GAK: variants seen among roughly 807,000 people sequenced by gnomAD.
GAK encodes cyclin G associated kinase.
In GAK, 79 loss-of-function variants were observed where a neutral mutation model predicts 143.9. That is an observed-to-expected ratio of 0.55 (90% confidence interval 0.46 to 0.66). The LOEUF is 0.66. Ranked by LOEUF, GAK falls within the 30% of genes least tolerant of loss-of-function variation. The pLI, the probability that GAK is intolerant of heterozygous loss-of-function variation, is 0.00. For missense variants in GAK, 1,693 were observed against 1,779.7 expected, an observed-to-expected ratio of 0.95 and a Z score of 0.88; for synonymous variants, 881 against 765.5, an observed-to-expected ratio of 1.15 and a Z score of -2.49.
At chr4:864,258 G>A (rs1364485671) in intron 23 of GAK, among the ~76,000 whole-genome samples, 1 of 152,190 alleles carries the variant, frequency 6.6e-6, no homozygotes, top group Non-Finnish European at 1.5e-5. Context: ...TTACTCAGGA[G>A]GCTGGGGTGG....
intron 1 of GAK, among the ~76,000 whole-genome samples, chr4:925,371 G>A (rs753797835): frequency 5.3e-5 from 8 of 152,164 alleles, no homozygotes; most frequent in East Asian, 1.9e-4. Flanking sequence ...ACCAGGATGC[G>A]TGTAGGATGC....
chr4:885,993 A>C (rs1184724767), intron 11 of GAK: 2 of 152,142 alleles, frequency 1.3e-5, no homozygotes, highest in African/African-American at 2.4e-5. Context: ...GGCTCGTCTC[A>C]ATCTTCAAGT....
intron 11 of GAK, among the ~76,000 whole-genome samples, chr4:884,890 G>T (rs1405183291): frequency 6.6e-6 from 1 of 152,216 alleles, no homozygotes; most frequent in African/African-American, 2.4e-5. Flanking sequence ...GGAAAGCCTG[G>T]ATAAAGGTCC....
chr4:883,188 G>T, intron 13 of GAK, 127 bp downstream of exon 13: 1 of 1,102,038 alleles, frequency 9.1e-7, no homozygotes. Flanking sequence ...ACGCTCTGCA[G>T]CCCCTCAGGA....
At chr4:861,407 C>T (rs556391627) in intron 23 of GAK, among the ~76,000 whole-genome samples, 12 of 152,110 alleles carry the variant, frequency 7.9e-5, no homozygotes, top group East Asian at 1.9e-4. Flanking sequence ...CTGGACAACA[C>T]GGACCCCATC....
rs114745462 is a variant in GAK at position 885,097 on chromosome 4, T to C, written c.1206-1011A>G. Among the ~76,000 whole-genome samples, 1,464 of 147,344 alleles carry C rather than the reference T, an allele frequency of 9.9e-3. 26 individuals are homozygous for C. The highest frequency in any genetic ancestry group is 0.034 in the African/African-American group (1,333 of 39,594). On this transcript the variant is annotated intron_variant, in intron 11 of 27. Transcript: ENST00000314167. ...ACTCAGGATGCGGGTCTTCCGTGCG[T>C]TCAAACGTTTTAAAAGGCGTCTAAA...
intron 23 of GAK, among the ~76,000 whole-genome samples, chr4:864,502 G>A (rs1318580684): frequency 2.6e-5 from 4 of 152,206 alleles, no homozygotes. Context: ...CGCTGAGGCC[G>A]GCCCAAGACG....
At chr4:919,232 A>G (rs1723539798) in intron 1 of GAK, among the ~76,000 whole-genome samples, 1 of 150,402 alleles carries the variant, frequency 6.6e-6, no homozygotes, top group Non-Finnish European at 1.5e-5. Context: ...CAAAGGCCTC[A>G]GCGCCCCATG....
At chr4:863,868 C>A (rs564651819) in intron 23 of GAK, among the ~76,000 whole-genome samples, 1 of 151,790 alleles carries the variant, frequency 6.6e-6, no homozygotes, top group Non-Finnish European at 1.5e-5. Context: ...ACTAAAAATA[C>A]AAAAATTAGT....
At position 849,506 on chromosome 4, in the gene GAK, T is replaced by C. The variant is rs916221178; in HGVS notation, c.*167A>G. 5.0e-6 allele frequency: 3 copies of C among 596,122 alleles called. No individual in the cohort carries two copies. The highest frequency in any genetic ancestry group is 5.6e-5 in the East Asian group (2 of 35,944). The allele number at this position is 596,122 out of a possible 1,614,324, so 36.9% of individuals were successfully genotyped here. On this transcript the variant is annotated 3_prime_UTR_variant, in exon 28 of 28. Transcript: ENST00000314167. ...GAAACAACAATCAGAGGCTTTGGAA[T>C]GCTTTCTCTTCATGTGCCTGGAACG...
intron 20 of GAK, among the ~76,000 whole-genome samples, chr4:867,926 G>A (rs1040881002): frequency 2.0e-5 from 3 of 152,216 alleles, no homozygotes; most frequent in Non-Finnish European, 4.4e-5. Context: ...GGGCCTCTGC[G>A]GTGCCTCAGG....
rs892171872 is a variant in GAK, at chr4:867,222, G to A, written c.2606C>T (p.Ala869Val). ...QDLVFEVETPAVLPEPVPQED... is the reference protein window; with the variant it reads ...QDLVFEVETPVVLPEPVPQED... ...CTGTGGCACAGGCTCTGGCAGCACA[G>A]CCGGTGTCTCCACCTCAAAAACCAA... The change falls in exon 21 of 28, where the codon GCT becomes GTT. Residue 869 changes from alanine (A) to valine (V), a missense_variant. Physicochemically the swap from Ala to Val is moderately conservative, Grantham distance 64. This residue lies in a region of GAK where 822 missense variants were observed against 788.7 expected (regional missense o/e 1.04). Transcript: ENST00000314167. 2.5e-6 allele frequency: 4 copies of A among 1,612,850 alleles called. No homozygotes were observed. Among genetic ancestry groups the A allele is most frequent in the Non-Finnish European group, 3.4e-6 (4 of 1,179,608 alleles).
chr4:930,917 G>A (rs908713712), intron 1 of GAK, among the ~76,000 whole-genome samples: 1 of 152,172 alleles, frequency 6.6e-6, no homozygotes, highest in Admixed American at 6.5e-5. Flanking sequence ...CAGGCACCTG[G>A]ACAGGCTAAC....
intron 11 of GAK, chr4:888,191 T>C (rs1363183508): frequency 1.3e-5 from 2 of 152,256 alleles, no homozygotes; most frequent in Middle Eastern, 6.3e-3. Context: ...TCCTAGGCTG[T>C]TTCCTGACAT....
At chr4:865,008 C>T (rs747629231) in intron 23 of GAK, 114 bp downstream of exon 23, 110 of 1,392,876 alleles carry the variant, frequency 7.9e-5, no homozygotes, top group Admixed American at 1.4e-4. Context: ...CACGCCCCAG[C>T]CCTTCCTTCC....
At chr4:878,513 T>C (rs1254556019) in intron 15 of GAK, among the ~76,000 whole-genome samples, 1 of 152,210 alleles carries the variant, frequency 6.6e-6, no homozygotes, top group Non-Finnish European at 1.5e-5. Context: ...GTTTTTCTAT[T>C]GTTGGGTGGA....
chr4:911,490 T>C (rs113698983), intron 4 of GAK, among the ~76,000 whole-genome samples, 183 bp downstream of exon 4: 4 of 151,830 alleles, frequency 2.6e-5, no homozygotes, highest in African/African-American at 9.7e-5. Flanking sequence ...GGAAGCTCAC[T>C]GGGCGTCAGC....
intron 22 of GAK, 49 bp from the exon 23 acceptor site, chr4:865,293 G>C: frequency 1.2e-6 from 2 of 1,610,006 alleles, no homozygotes; most frequent in Non-Finnish European, 1.7e-6. Flanking sequence ...CTCAGCAGCA[G>C]GCAAATGTGG....
intron 5 of GAK, among the ~76,000 whole-genome samples, chr4:900,221 T>C (rs1183314003): frequency 6.6e-6 from 1 of 152,168 alleles, no homozygotes; most frequent in African/African-American, 2.4e-5. Flanking sequence ...CTGTGCCCGT[T>C]CCCATTCTAC....
Sources: gnomAD v4.1 joint callset for allele counts (sites outside exome capture counted in the v4.1 genomes callset) on GRCh38, gnomAD v4.1.1 for gene constraint, gnomAD v4.1.1 regional missense constraint, MANE v1.5 for transcripts, NCBI Gene and HGNC (gene_info 2026-07-23, HGNC 2026-07-21) for gene names.